CHRNB4: variants seen among roughly 807,000 people sequenced by gnomAD.
CHRNB4 encodes the protein cholinergic receptor nicotinic beta 4 subunit.
Under a neutral mutation model 40.4 loss-of-function variants are expected in CHRNB4, and 23 were observed. That is an observed-to-expected ratio of 0.57 (90% CI 0.41 to 0.81). CHRNB4 has a LOEUF of 0.81. Ranked by LOEUF, CHRNB4 falls within the 30% of genes least tolerant of loss-of-function variation. The pLI is 0.00. For missense variants in CHRNB4, 568 were observed against 670.6 expected, an observed-to-expected ratio of 0.85 and a Z score of 1.69; for synonymous variants, 285 against 274.4, an observed-to-expected ratio of 1.04 and a Z score of -0.38.
At chr15:78,660,912 C>CAATT (rs1228918150), upstream of CHRNB4, 1 of 377,238 alleles carries the variant, frequency 2.7e-6, no homozygotes, top group African/African-American at 2.1e-5. Flanking sequence ...CACGTGCACA[C>CAATT]AATTGCCTGG....
chr15:78,632,217 TTCTCTC>T (rs1169843911), intron 2 of CHRNB4, among the ~76,000 whole-genome samples: 8 of 86,012 alleles, frequency 9.3e-5, no homozygotes, highest in African/African-American at 5.5e-4. Context: ...TTCTTTCTCT[TTCTCTC>T]TCTCTCTCTC....
chr15:78,649,646 A>C (rs978854450), intron 6 of CHRNB4, among the ~76,000 whole-genome samples: 1 of 152,230 alleles, frequency 6.6e-6, no homozygotes, highest in African/African-American at 2.4e-5. Flanking sequence ...TAAGCAAAAA[A>C]GTTTTGAATA....
At chr15:78,635,716 G>T in intron 1 of CHRNB4, 129 bp from the exon 2 acceptor site, 1 of 1,230,428 alleles carries the variant, frequency 8.1e-7, no homozygotes, top group Non-Finnish European at 1.2e-6. Flanking sequence ...GAAGGTGCTG[G>T]CAGGCCTGTC....
chr15:78,633,919 G>A (rs564911133), intron 2 of CHRNB4, among the ~76,000 whole-genome samples: 2 of 148,842 alleles, frequency 1.3e-5, no homozygotes, highest in Admixed American at 1.3e-4. Context: ...GAATAAGGGG[G>A]GCTGGAGAGG....
In CHRNB4 at chr15:78,629,817, T is replaced by A; in HGVS notation, c.488A>T (p.Asp163Val). Reference protein sequence around the residue: ...CKIEVKYFPFDQQNCTLKFRS... With the variant: ...CKIEVKYFPFVQQNCTLKFRS... ...GAACTTGAGGGTGCAGTTCTGCTGG[T>A]CGAAGGGAAAGTACTTCACCTCAAT... The change falls in exon 5 of 6, where the codon GAC (aspartate) becomes GTC (valine). Residue 163 changes from aspartate (D) to valine (V), a missense_variant. Asp to Val is a radical substitution (Grantham distance 152). This residue lies in a region of CHRNB4 where 127 missense variants were observed against 167.4 expected (regional missense o/e 0.76). Transcript: ENST00000261751. The surrounding 1 kb of genome is among the most constrained non-coding windows in gnomAD (Gnocchi z 6.8). The A allele has an allele frequency of 6.2e-7, 1 of 1,614,108 alleles. No individual in the cohort carries two copies. The highest frequency in any genetic ancestry group is 8.5e-7 in the Non-Finnish European group (1 of 1,180,022).
chr15:78,628,929 C>G (rs201030054), intron 5 of CHRNB4, 38 bp downstream of exon 5: 1 of 1,577,980 alleles, frequency 6.3e-7, no homozygotes, highest in African/African-American at 1.3e-5. Context: ...TGAGCCCTTT[C>G]TGTTGGGCAG....
chr15:78,630,401 G>A (rs1048605677), intron 4 of CHRNB4, among the ~76,000 whole-genome samples: 13 of 152,206 alleles, frequency 8.5e-5, no homozygotes, highest in African/African-American at 2.4e-4. Flanking sequence ...GCCTCCCAAA[G>A]TGCTGGGATT....
upstream of CHRNB4, among the ~76,000 whole-genome samples, chr15:78,645,785 C>G (rs550759534): frequency 6.6e-6 from 1 of 152,172 alleles, no homozygotes; most frequent in South Asian, 2.1e-4. Context: ...ATAGGCCGGG[C>G]ACGGTGGCTT....
chr15:78,634,464 C>T (rs2053903564), intron 2 of CHRNB4, among the ~76,000 whole-genome samples: 1 of 152,246 alleles, frequency 6.6e-6, no homozygotes, highest in African/African-American at 2.4e-5. Flanking sequence ...GTACACAGCT[C>T]TCCAGCCCTC....
At chr15:78,645,334 A>G (rs1004088197), upstream of CHRNB4, among the ~76,000 whole-genome samples, 2 of 152,046 alleles carry the variant, frequency 1.3e-5, no homozygotes, top group African/African-American at 4.8e-5. Context: ...CCCTTTACTT[A>G]TTGACCAACC....
chr15:78,638,911 G>A (rs1300017923), intron 1 of CHRNB4, among the ~76,000 whole-genome samples: 2 of 152,174 alleles, frequency 1.3e-5, no homozygotes, highest in African/African-American at 2.4e-5. Context: ...CAGAGAAGCC[G>A]CCACTAGGGG....
intron 2 of CHRNB4, among the ~76,000 whole-genome samples, 181 bp from the exon 3 acceptor site, chr15:78,631,513 C>T (rs2030466545): frequency 6.6e-6 from 1 of 152,200 alleles, no homozygotes; most frequent in South Asian, 2.1e-4. Context: ...TCATGATCTT[C>T]CCCAGAACCT....
chr15:78,629,821 AG>A lies in CHRNB4; in HGVS notation c.483del (p.Phe162SerfsTer20). On this transcript the variant is annotated frameshift_variant, in exon 5 of 6. Coordinates refer to ENST00000261751, the MANE Select transcript of CHRNB4 (RefSeq NM_000750.5). LOFTEE classifies it high-confidence loss of function. The surrounding 1 kb of genome is among the most constrained non-coding windows in gnomAD (Gnocchi z 6.8). ...TTGAGGGTGCAGTTCTGCTGGTCGA[AG>A]GGAAAGTACTTCACCTCAATCTTGC... is the stretch of plus-strand genomic sequence containing the variant. ...SACKIEVKYF[P>X]FDQQNCTLKF... 6.2e-7 allele frequency: 1 copy of A among 1,614,126 alleles called. No homozygotes were observed. Among genetic ancestry groups the A allele is most frequent in the Non-Finnish European group, 8.5e-7 (1 of 1,180,030 alleles).
chr15:78,644,544 A>T (rs982109855), upstream of CHRNB4, among the ~76,000 whole-genome samples: 6 of 152,008 alleles, frequency 3.9e-5, no homozygotes, highest in African/African-American at 1.4e-4. Context: ...GGACTTCCCA[A>T]CCTCCAGAAC....
chr15:78,636,613 T>G (rs77270762), intron 1 of CHRNB4, among the ~76,000 whole-genome samples: 1 of 136,398 alleles, frequency 7.3e-6, no homozygotes, highest in African/African-American at 2.8e-5. Flanking sequence ...TGTTTTTTCC[T>G]TTTTTTTTTT....
intron 7 of CHRNB4, among the ~76,000 whole-genome samples, chr15:78,647,076 G>C (rs1249554792): frequency 6.6e-6 from 1 of 152,110 alleles, no homozygotes; most frequent in Non-Finnish European, 1.5e-5. Context: ...GGAGTTTGAG[G>C]CTGCAGTGAG....
upstream of CHRNB4, chr15:78,661,337 A>G: frequency 3.5e-6 from 2 of 567,860 alleles, no homozygotes; most frequent in Non-Finnish European, 3.4e-6. Context: ...AACCTCCTGA[A>G]CCCGCACATC....
chr15:78,642,533 T>G (rs2054089507), upstream of CHRNB4, among the ~76,000 whole-genome samples: 1 of 152,050 alleles, frequency 6.6e-6, no homozygotes, highest in Non-Finnish European at 1.5e-5. Context: ...TGCCAGTACT[T>G]GAAAGGATGC....
intron 1 of CHRNB4, among the ~76,000 whole-genome samples, chr15:78,638,663 G>A (rs1401189399): frequency 6.6e-6 from 1 of 152,144 alleles, no homozygotes; most frequent in Non-Finnish European, 1.5e-5. Context: ...GGAATAAACA[G>A]CAGGGATACT....
Sources: gnomAD v4.1 joint callset for allele counts (sites outside exome capture counted in the v4.1 genomes callset) on GRCh38, gnomAD v4.1.1 for gene constraint, gnomAD v4.1.1 regional missense constraint, Gnocchi (gnomAD v3.1) non-coding constraint, MANE v1.5 for transcripts, NCBI Gene and HGNC (gene_info 2026-07-23, HGNC 2026-07-21) for gene names.